The following PRMT2 variants were observed in gnomAD, a reference collection of about 807,000 sequenced individuals.
PRMT2 encodes protein arginine methyltransferase 2, also known as protein arginine N-methyltransferase 2.
In PRMT2, 26 loss-of-function variants were observed where a neutral mutation model predicts 57.6. The observed-to-expected ratio is 0.45, with a 90% CI of 0.33 to 0.63. The LOEUF (loss-of-function observed/expected upper bound fraction) is 0.63, where lower values mean the gene tolerates loss of function less well. PRMT2 is among the 20% of genes least tolerant of loss of function. The pLI is 0.02. For missense variants in PRMT2, 472 were observed against 564.4 expected (o/e 0.84, Z 1.66); for synonymous variants, 219 against 220.0 (o/e 1.00, Z 0.04).
At chr21:46,643,475 CAAAAAA>C (rs34541039) in intron 3 of PRMT2, 54 bp from the exon 4 acceptor site, 6 of 1,232,960 alleles carry the variant, frequency 4.9e-6, no homozygotes, top group Non-Finnish European at 4.1e-6. Flanking sequence ...ATAATATAGC[CAAAAAA>C]AAAAAAAAAA....
chr21:46,638,439 T>G (rs1348304669), intron 3 of PRMT2, among the ~76,000 whole-genome samples: 2 of 152,248 alleles, frequency 1.3e-5, no homozygotes, highest in East Asian at 3.8e-4. Context: ...TTTTTTCTAT[T>G]TCAAACAATG....
At chr21:46,650,218 G>A (rs1351011550) in intron 7 of PRMT2, among the ~76,000 whole-genome samples, 1 of 152,198 alleles carries the variant, frequency 6.6e-6, no homozygotes, top group African/African-American at 2.4e-5. Flanking sequence ...CTGGTTGCCT[G>A]TGAATATGCC....
In PRMT2 at chr21:46,652,500, C is replaced by T. The variant is rs1027543814; in HGVS notation, c.654+2761C>T. 4 of 985,280 alleles carry T rather than the reference C, an allele frequency of 4.1e-6. No homozygotes were observed. In the African/African-American group the frequency reaches 7.0e-5, roughly 17 times the overall value. The allele number at this position is 985,280 out of a possible 1,614,324, so 61.0% of individuals were successfully genotyped here. ...AAATGCCAGAGGCCAGGAGCTTGAA[C>T]GTTGTTCAATGCCACCAACAATTTG... On this transcript the variant is annotated intron_variant, in intron 7 of 11. Coordinates refer to ENST00000355680, the MANE Select transcript of PRMT2 (RefSeq NM_206962.4).
At chr21:46,643,072 A>G (rs1391760332) in intron 3 of PRMT2, among the ~76,000 whole-genome samples, 6 of 151,758 alleles carry the variant, frequency 4.0e-5, no homozygotes, top group Non-Finnish European at 8.8e-5. Flanking sequence ...GGAGGCTCCA[A>G]GGACCTGTGT....
intron 7 of PRMT2, among the ~76,000 whole-genome samples, chr21:46,655,407 T>C (rs114330242): frequency 0.014 from 2,141 of 152,256 alleles, 50 homozygotes; most frequent in African/African-American, 0.049. Context: ...GGTTCAATAT[T>C]TGAAAATCAA....
chr21:46,662,798 T>A (rs1405943511), intron 10 of PRMT2, among the ~76,000 whole-genome samples: 2 of 152,170 alleles, frequency 1.3e-5, no homozygotes, highest in Non-Finnish European at 2.9e-5. Flanking sequence ...CAGTGCAGAA[T>A]CATAGCGTTT....
intron 8 of PRMT2, chr21:46,659,842 A>G: frequency 1.0e-6 from 1 of 985,458 alleles, no homozygotes; most frequent in South Asian, 4.7e-5. Context: ...TGTCTGTTAA[A>G]AAAGAAACCA....
chr21:46,640,333 T>C (rs1482178061), intron 3 of PRMT2, among the ~76,000 whole-genome samples: 1 of 152,156 alleles, frequency 6.6e-6, no homozygotes, highest in East Asian at 1.9e-4. Context: ...TTTTCTTGCA[T>C]TCTGTGTTTT....
In PRMT2 at chr21:46,659,021, T is replaced by TA. The variant is rs1426463233; in HGVS notation, c.830+104dup. On this transcript the variant is annotated intron_variant, in intron 8 of 11. Transcript: ENST00000355680. ...TGGGAGATCCCATACGACGGTTGGA[T>TA]AAATGAGGGTACCTGTGCACCCAGA... is the stretch of plus-strand genomic sequence containing the variant. 2.7e-6 allele frequency: 4 copies of TA among 1,475,626 alleles called. No individual in the cohort carries two copies. In the East Asian group the frequency reaches 9.6e-5, roughly 36 times the overall value. 91.4% of individuals were successfully genotyped at this position (1,475,626 alleles called of 1,614,324 possible).
chr21:46,637,056 G>A (rs541504485), intron 3 of PRMT2, 66 bp downstream of exon 3: 4 of 1,545,672 alleles, frequency 2.6e-6, no homozygotes, highest in East Asian at 2.3e-5. Context: ...AGAGCTAAGC[G>A]TCAGCTCACA....
At position 46,637,972 on chromosome 21, in the gene PRMT2, A is replaced by G. The variant is rs531375691; in HGVS notation, c.39+982A>G. Among the ~76,000 whole-genome samples the G allele has an allele frequency of 2.8e-4, 42 of 152,290 alleles. No homozygotes were observed. In the South Asian group the frequency reaches 8.5e-3, roughly 31 times the overall value. On this transcript the variant is annotated intron_variant, in intron 3 of 11. Coordinates refer to ENST00000355680, the MANE Select transcript of PRMT2 (RefSeq NM_206962.4). ...AAACTGAGACTTCATCTCTTAAAAAAGAAAAAGCGACACTCTAGATAAAGT... is the reference window on the plus strand; with the variant it reads ...AAACTGAGACTTCATCTCTTAAAAAGGAAAAAGCGACACTCTAGATAAAGT...
At chr21:46,650,558 G>A (rs563511719) in intron 7 of PRMT2, among the ~76,000 whole-genome samples, 309 of 152,288 alleles carry the variant, frequency 2.0e-3, no homozygotes, top group Non-Finnish European at 3.2e-3. Context: ...CATCTGTGGA[G>A]CCATAAGATG....
chr21:46,648,842 C>T lies in PRMT2; in HGVS notation c.489+223C>T, dbSNP rs115265593. ...GCGCCCGCGTACAATGAGTCGCAGA[C>T]AGCACAGACGGGAGTAGGGCAGAAT... On this transcript the variant is annotated intron_variant, in intron 6 of 11. Transcript: ENST00000355680. This position sits in a 1 kb window ranked among gnomAD's most constrained non-coding sequence, Gnocchi z 4.8. 8.4e-3 allele frequency among the ~76,000 whole-genome samples: 1,280 copies of T among 152,350 alleles called. 14 individuals are homozygous for T. The highest frequency in any genetic ancestry group is 0.028 in the African/African-American group (1,161 of 41,580).
chr21:46,654,761 C>T (rs984599776), intron 7 of PRMT2: 4 of 242,378 alleles, frequency 1.7e-5, no homozygotes, highest in Admixed American at 1.3e-4. Flanking sequence ...TGTGTGTAGC[C>T]TGTATGTAAA....
intron 7 of PRMT2, chr21:46,657,164 A>C (rs533096867): frequency 6.6e-6 from 1 of 152,310 alleles, no homozygotes; most frequent in South Asian, 2.1e-4. Context: ...AGTAATACCA[A>C]CTGTCATCGA....
At chr21:46,659,041 CCCAGATAGGACAAT>C (rs2061582253) in intron 8 of PRMT2, 121 bp downstream of exon 8, 3 of 1,456,262 alleles carry the variant, frequency 2.1e-6, no homozygotes, top group African/African-American at 2.8e-5. Context: ...TACCTGTGCA[CCCAGATAGGACAAT>C]CTGTTGTAGC....
chr21:46,661,169 C>A, intron 9 of PRMT2: 3 of 470,694 alleles, frequency 6.4e-6, no homozygotes, highest in Non-Finnish European at 1.1e-5. Context: ...TATTTTGATT[C>A]TTTCATATTG....
Position 46,656,460 on chromosome 21 carries a change from C to T in PRMT2, c.655-2285C>T, listed in dbSNP as rs183632623. On this transcript the variant is annotated intron_variant, in intron 7 of 11. Coordinates refer to ENST00000355680, the MANE Select transcript of PRMT2 (RefSeq NM_206962.4). ...ACTATACTACTTGATTTTGAAGCTACAGTAATCAGGACAATGTGGTGAAGG... is the reference window on the plus strand; with the variant it reads ...ACTATACTACTTGATTTTGAAGCTATAGTAATCAGGACAATGTGGTGAAGG... Among the ~76,000 whole-genome samples the T allele has an allele frequency of 3.3e-4, 50 of 152,196 alleles. No individual in the cohort carries two copies. The East Asian group carries it at 5.0e-3, about 15-fold the overall frequency.
intron 3 of PRMT2, among the ~76,000 whole-genome samples, chr21:46,642,727 T>C (rs1259807087): frequency 6.6e-6 from 1 of 152,168 alleles, no homozygotes; most frequent in Non-Finnish European, 1.5e-5. Flanking sequence ...AGCTTATTCT[T>C]ATATAAAGTG....
Sources: gnomAD v4.1 joint callset for allele counts (sites outside exome capture counted in the v4.1 genomes callset) on GRCh38, gnomAD v4.1.1 for gene constraint, Gnocchi (gnomAD v3.1) non-coding constraint, MANE v1.5 for transcripts, NCBI Gene and HGNC (gene_info 2026-07-23, HGNC 2026-07-21) for gene names.